Variants in OPCML observed in about 807,000 individuals in gnomAD.
OPCML encodes the protein opioid-binding protein/cell adhesion molecule.
OPCML carries 13 observed loss-of-function variants against 37.8 expected under a neutral mutation model. The observed-to-expected ratio is 0.34, with a 90% confidence interval of 0.22 to 0.55. OPCML has a LOEUF of 0.55. Ranked by LOEUF, OPCML falls within the 20% of genes least tolerant of loss-of-function variation. The pLI, the probability that OPCML is intolerant of heterozygous loss-of-function variation, is 0.91. For missense variants in OPCML, 341 were observed against 435.6 expected, an observed-to-expected ratio of 0.78 and a Z score of 1.93; for synonymous variants, 176 against 168.8, an observed-to-expected ratio of 1.04 and a Z score of -0.33.
intron 2 of OPCML, among the ~76,000 whole-genome samples, chr11:132,793,767 G>A (rs1252635866): frequency 1.3e-5 from 2 of 152,074 alleles, no homozygotes; most frequent in East Asian, 3.9e-4. Context: ...CTCTCCCATG[G>A]GACTACTGCC....
chr11:133,124,985 C>T (rs1466308472), intron 1 of OPCML, among the ~76,000 whole-genome samples: 1 of 152,090 alleles, frequency 6.6e-6, no homozygotes, highest in African/African-American at 2.4e-5. Flanking sequence ...CTGCTTAAAC[C>T]CCATATGGGT....
chr11:133,147,798 C>T (rs1216299708), intron 1 of OPCML, among the ~76,000 whole-genome samples: 1 of 152,158 alleles, frequency 6.6e-6, no homozygotes, highest in Non-Finnish European at 1.5e-5. Flanking sequence ...AGGAATTCAC[C>T]GGTTCACACT....
intron 1 of OPCML, among the ~76,000 whole-genome samples, chr11:133,495,904 A>G (rs1017308898): frequency 6.6e-6 from 1 of 152,066 alleles, no homozygotes; most frequent in East Asian, 1.9e-4. Flanking sequence ...CTTTTGTTTA[A>G]TTAGGTCCCA....
chr11:132,944,626 T>C (rs1041431759), intron 1 of OPCML, among the ~76,000 whole-genome samples: 1 of 152,206 alleles, frequency 6.6e-6, no homozygotes, highest in African/African-American at 2.4e-5. Context: ...TAAAAAGTAG[T>C]AGGACTGATC....
chr11:133,245,613 C>T (rs1396702436), intron 1 of OPCML, among the ~76,000 whole-genome samples: 1 of 152,162 alleles, frequency 6.6e-6, no homozygotes, highest in Non-Finnish European at 1.5e-5. Flanking sequence ...TCCCATAGCT[C>T]AAGGTGGTAG....
intron 1 of OPCML, among the ~76,000 whole-genome samples, chr11:133,412,921 C>T (rs958231773): frequency 6.6e-6 from 1 of 152,158 alleles, no homozygotes; most frequent in South Asian, 2.1e-4. Flanking sequence ...CCCTTAGATG[C>T]TTAAAATATC....
intron 1 of OPCML, among the ~76,000 whole-genome samples, chr11:133,431,757 G>T (rs969440715): frequency 6.7e-6 from 1 of 149,670 alleles, no homozygotes; most frequent in Admixed American, 6.7e-5. Context: ...GAACCACTGC[G>T]CCCCGCCGAA....
chr11:132,824,132 C>T (rs1307576763), intron 2 of OPCML, among the ~76,000 whole-genome samples: 1 of 152,178 alleles, frequency 6.6e-6, no homozygotes, highest in African/African-American at 2.4e-5. Flanking sequence ...TGGATCTCCT[C>T]ATTTTAGCTT....
At chr11:133,307,570 T>C (rs1257037616) in intron 1 of OPCML, among the ~76,000 whole-genome samples, 5 of 152,208 alleles carry the variant, frequency 3.3e-5, no homozygotes, top group Admixed American at 1.3e-4. Context: ...CACACTGTTA[T>C]CCTTCCTGAC....
intron 1 of OPCML, among the ~76,000 whole-genome samples, chr11:133,247,585 A>ATCTG (rs1940982727): frequency 5.4e-5 from 1 of 18,522 alleles, no homozygotes; most frequent in Non-Finnish European, 1.1e-4. Context: ...TCTTTCTTTC[A>ATCTG]TCTGTCTTTC....
intron 1 of OPCML, chr11:133,422,535 C>G: frequency 1.0e-6 from 1 of 974,018 alleles, no homozygotes; most frequent in Non-Finnish European, 1.2e-6. Flanking sequence ...GGGTCCTGCT[C>G]TACCGCCCAG....
At chr11:133,349,743 C>T (rs1944085389) in intron 1 of OPCML, among the ~76,000 whole-genome samples, 1 of 152,136 alleles carries the variant, frequency 6.6e-6, no homozygotes, top group South Asian at 2.1e-4. Context: ...ACAGGAAGAA[C>T]ACAGCTGTGC....
chr11:133,247,540 T>TTTTCTTTCTTCCTTCC (rs1419012669), intron 1 of OPCML, among the ~76,000 whole-genome samples: 1 of 122,408 alleles, frequency 8.2e-6, no homozygotes, highest in Non-Finnish European at 1.6e-5. Flanking sequence ...CTTTCCTTCT[T>TTTTCTTTCTTCCTTCC]TTTCTTTCTT....
At chr11:132,691,332 C>T (rs1412416945) in intron 2 of OPCML, among the ~76,000 whole-genome samples, 1 of 152,190 alleles carries the variant, frequency 6.6e-6, no homozygotes, top group Non-Finnish European at 1.5e-5. Context: ...TAGTGAGCCT[C>T]CTGACAGCTC....
intron 3 of OPCML, among the ~76,000 whole-genome samples, chr11:132,540,851 CA>C (rs1175414547): frequency 6.6e-6 from 1 of 152,182 alleles, no homozygotes; most frequent in African/African-American, 2.4e-5. Context: ...GACAACTGAC[CA>C]TGATCAGAGG....
At chr11:133,146,875 C>A (rs772844455) in intron 1 of OPCML, among the ~76,000 whole-genome samples, 3 of 152,240 alleles carry the variant, frequency 2.0e-5, no homozygotes, top group Non-Finnish European at 4.4e-5. Context: ...GGAAAAAACA[C>A]ACACAGTTGA....
intron 2 of OPCML, among the ~76,000 whole-genome samples, chr11:132,806,455 G>C (rs1193948206): frequency 1.3e-5 from 2 of 152,086 alleles, no homozygotes; most frequent in South Asian, 4.1e-4. Flanking sequence ...AAGTTGATGT[G>C]GGTTTATTGA....
intron 1 of OPCML, among the ~76,000 whole-genome samples, chr11:133,219,041 C>T (rs1439354084): frequency 6.6e-6 from 1 of 152,194 alleles, no homozygotes; most frequent in African/African-American, 2.4e-5. Context: ...CTATATTATG[C>T]GTTTTACTCC....
rs769116575 is a variant in OPCML at position 132,657,332 on chromosome 11, A to G, written c.147-13T>C. 5 of 1,613,672 alleles carry G rather than the reference A, an allele frequency of 3.1e-6. No homozygotes were observed. The East Asian group carries it at 1.1e-4, about 36-fold the overall frequency. On this transcript the variant is annotated splice_polypyrimidine_tract_variant and intron_variant, in intron 2 of 7. Coordinates refer to ENST00000524381, the MANE Select transcript of OPCML (RefSeq NM_001012393.5). ...ATCTATGGTACACCTGCAGTGAGGCAGGGAGTGGTGGAGGGAGGAAGAAGG... is the reference window on the plus strand; with the variant it reads ...ATCTATGGTACACCTGCAGTGAGGCGGGGAGTGGTGGAGGGAGGAAGAAGG...
Sources: allele counts gnomAD v4.1 joint callset (sites outside exome capture counted in the v4.1 genomes callset), GRCh38; gene constraint gnomAD v4.1.1; transcripts MANE v1.5; gene names NCBI Gene and HGNC (gene_info 2026-07-23, HGNC 2026-07-21).